Variants in ARHGAP32 observed in about 807,000 individuals in gnomAD.
ARHGAP32 encodes rho GTPase-activating protein 32.
ARHGAP32 carries 51 observed loss-of-function variants against 186.5 expected under a neutral mutation model. The ratio of observed to expected loss-of-function variants is 0.27; its 90% confidence interval spans 0.22 to 0.35. ARHGAP32 has a LOEUF of 0.35. Ranked by LOEUF, ARHGAP32 falls within the 10% of genes least tolerant of loss-of-function variation. ARHGAP32 has a pLI of 1.00. For missense variants in ARHGAP32, 2,186 were observed against 2,623.5 expected (o/e 0.83, Z 3.64); for synonymous variants, 950 against 964.3 (o/e 0.99, Z 0.27).
At chr11:129,164,526 T>C (rs1943593864) in intron 1 of ARHGAP32, 99 bp from the exon 2 acceptor site, 1 of 702,180 alleles carries the variant, frequency 1.4e-6, no homozygotes, top group African/African-American at 1.8e-5. Flanking sequence ...ACATGTCAGA[T>C]TTGAAGTTTA....
chr11:129,020,854 G>T (rs1247652670), intron 11 of ARHGAP32, among the ~76,000 whole-genome samples: 1 of 151,936 alleles, frequency 6.6e-6, no homozygotes, highest in East Asian at 1.9e-4. Flanking sequence ...GGAAAGTACA[G>T]AATCACTTTT....
At chr11:129,173,336 A>T (rs1591670968) in intron 1 of ARHGAP32, among the ~76,000 whole-genome samples, 1 of 151,864 alleles carries the variant, frequency 6.6e-6, no homozygotes, top group Non-Finnish European at 1.5e-5. Context: ...ACCAAAAAAA[A>T]AAAAAAGAAA....
At chr11:129,149,736 T>C (rs1160389747) in intron 2 of ARHGAP32, among the ~76,000 whole-genome samples, 4 of 151,882 alleles carry the variant, frequency 2.6e-5, no homozygotes, top group African/African-American at 9.7e-5. Flanking sequence ...GATTCTACAC[T>C]ACCACCAAAA....
In ARHGAP32 at chr11:129,123,085, T is replaced by C. The variant is rs922536032; in HGVS notation, c.444+361A>G. On this transcript the variant is annotated intron_variant, in intron 5 of 22. Transcript: ENST00000682385. The surrounding 1 kb of genome is among the most constrained non-coding windows in gnomAD (Gnocchi z 4.6). ...AAAGAAGAATAAAGTGAGAACACTTTAATCTACCAAGTATCAAAGCTCACA... is the reference window on the plus strand; with the variant it reads ...AAAGAAGAATAAAGTGAGAACACTTCAATCTACCAAGTATCAAAGCTCACA... Among the ~76,000 whole-genome samples, 1 of 152,104 alleles carries C rather than the reference T, an allele frequency of 6.6e-6. No individual in the cohort carries two copies. Among genetic ancestry groups the C allele is most frequent in the East Asian group, 1.9e-4 (1 of 5,194 alleles).
rs990760548 is a variant in ARHGAP32, at chr11:128,973,159, C to T, written c.3347G>A (p.Arg1116Gln). ...ALDKAYFQTD[R>Q]PAEQFHLQNN... ...CTGGAGGTGGAACTGCTCTGCTGGT[C>T]GATCGGTTTGGAAATAGGCCTTATC... Residue 1116 changes from arginine (R) to glutamine (Q), a missense_variant, in exon 22 of 23, where the codon CGA (arginine) becomes CAA (glutamine). Arg to Gln is a conservative substitution (Grantham distance 43). Transcript: ENST00000682385. 28 of 1,614,060 alleles carry T rather than the reference C, an allele frequency of 1.7e-5. No individual in the cohort carries two copies. The highest frequency in any genetic ancestry group is 1.6e-4 in the Middle Eastern group (1 of 6,062).
At chr11:129,158,941 C>G (rs1429071162) in intron 2 of ARHGAP32, among the ~76,000 whole-genome samples, 2 of 152,160 alleles carry the variant, frequency 1.3e-5, no homozygotes, top group Non-Finnish European at 2.9e-5. Context: ...ACTGAACAAT[C>G]TGCACCTGAA....
chr11:129,018,993 A>G (rs1424535167), intron 11 of ARHGAP32, among the ~76,000 whole-genome samples: 3 of 152,218 alleles, frequency 2.0e-5, no homozygotes, highest in African/African-American at 7.2e-5. Context: ...ATACACATGA[A>G]TAACTCTGGC....
chr11:129,026,087 T>C (rs77183918), intron 11 of ARHGAP32, among the ~76,000 whole-genome samples: 5,287 of 152,030 alleles, frequency 0.035, 125 homozygotes, highest in Non-Finnish European at 0.05. Flanking sequence ...TAAAAATACA[T>C]GGTAAGAAAA....
intron 2 of ARHGAP32, among the ~76,000 whole-genome samples, chr11:129,126,289 C>T (rs200178715): frequency 6.6e-6 from 1 of 152,060 alleles, no homozygotes; most frequent in Non-Finnish European, 1.5e-5. Context: ...TATAAATGAC[C>T]AAACACAGCC....
At chr11:129,012,755 A>T (rs1938144226) in intron 11 of ARHGAP32, among the ~76,000 whole-genome samples, 1 of 152,254 alleles carries the variant, frequency 6.6e-6, no homozygotes, top group Admixed American at 6.5e-5. Context: ...TGAAGGGAGA[A>T]CATTTTTTAA....
intron 11 of ARHGAP32, among the ~76,000 whole-genome samples, chr11:129,025,757 G>A (rs1309326696): frequency 6.6e-6 from 1 of 151,148 alleles, no homozygotes; most frequent in Non-Finnish European, 1.5e-5. Flanking sequence ...GGAATACTTA[G>A]AACAATCTGT....
intron 11 of ARHGAP32, chr11:129,023,871 T>C (rs1938711303): frequency 2.0e-6 from 2 of 983,550 alleles, no homozygotes; most frequent in Admixed American, 6.1e-5. Flanking sequence ...CTTGTTGTGG[T>C]ACAAGTTTTA....
intron 1 of ARHGAP32, among the ~76,000 whole-genome samples, chr11:129,236,687 T>A (rs980477764): frequency 1.3e-5 from 2 of 152,200 alleles, no homozygotes; most frequent in Admixed American, 1.3e-4. Context: ...TACAATCACA[T>A]ATCATCAGCT....
At chr11:128,984,401 C>T (rs1335635520) in intron 15 of ARHGAP32, among the ~76,000 whole-genome samples, 2 of 151,506 alleles carry the variant, frequency 1.3e-5, no homozygotes, top group African/African-American at 4.8e-5. Context: ...TAGAAAACAC[C>T]CCATACCACC....
chr11:129,177,136 C>A (rs535279141), intron 1 of ARHGAP32, among the ~76,000 whole-genome samples: 190 of 151,992 alleles, frequency 1.3e-3, no homozygotes, highest in Admixed American at 3.4e-3. Flanking sequence ...ATACAAACTA[C>A]CATCAGAGAA....
At chr11:128,994,468 AAT>A (rs1278726793) in intron 12 of ARHGAP32, among the ~76,000 whole-genome samples, 1 of 152,042 alleles carries the variant, frequency 6.6e-6, no homozygotes, top group Non-Finnish European at 1.5e-5. Context: ...CTTTCATATT[AAT>A]GATCACATCT....
intron 1 of ARHGAP32, among the ~76,000 whole-genome samples, chr11:129,278,748 G>A (rs1945568156): frequency 6.6e-6 from 1 of 151,740 alleles, no homozygotes; most frequent in African/African-American, 2.4e-5. Context: ...GCGGGCAGCG[G>A]AGGGAAACGC....
At chr11:129,112,473 T>C (rs11604170) in intron 5 of ARHGAP32, among the ~76,000 whole-genome samples, 3,185 of 152,214 alleles carry the variant, frequency 0.021, 82 homozygotes, top group Admixed American at 0.077. Context: ...GTTTTTTTTT[T>C]AAATTAGTTT....
Position 128,969,114 on chromosome 11 carries a change from AAC to A in ARHGAP32, c.6097_6098del (p.Val2033CysfsTer5). 1 of 1,605,632 alleles carries A rather than the reference AAC, an allele frequency of 6.2e-7. No homozygotes were observed. The highest frequency in any genetic ancestry group is 8.5e-7 in the Non-Finnish European group (1 of 1,174,206). ...PHGKRQSSVT[V>X]VSQYDNLEDY... is the part of the protein sequence containing the mutation. ...CTTCCAGGTTATCATACTGGGACAC[AAC>A]AGTCACACTGCTCTGGCGCTTGCCG... On this transcript the variant is annotated frameshift_variant, in exon 23 of 23. Transcript: ENST00000682385. LOFTEE classifies it high-confidence loss of function. The surrounding 1 kb of genome is among the most constrained non-coding windows in gnomAD (Gnocchi z 4.8).
Sources: allele counts gnomAD v4.1 joint callset (sites outside exome capture counted in the v4.1 genomes callset), GRCh38; gene constraint gnomAD v4.1.1; non-coding constraint Gnocchi (gnomAD v3.1); transcripts MANE v1.5; gene names NCBI Gene and HGNC (gene_info 2026-07-23, HGNC 2026-07-21).